The following CDH20 variants were observed in gnomAD, a reference collection of about 807,000 sequenced individuals.
CDH20 encodes the protein cadherin 20, also known as cadherin-20.
In CDH20, 29 loss-of-function variants were observed where a neutral mutation model predicts 74.2. That is an observed-to-expected ratio of 0.39 (90% CI 0.29 to 0.53). The LOEUF (loss-of-function observed/expected upper bound fraction) is 0.53, where lower values mean the gene tolerates loss of function less well. Ranked by LOEUF, CDH20 falls within the 20% of genes least tolerant of loss-of-function variation. The pLI is 0.69. For synonymous variants in CDH20, 469 were observed against 405.4 expected, an observed-to-expected ratio of 1.16 and a Z score of -1.88; for missense variants, 988 against 1,048.3, an observed-to-expected ratio of 0.94 and a Z score of 0.79.
In CDH20 at chr18:61,555,662, T is replaced by G. The variant is rs189861163; in HGVS notation, c.*967T>G. On this transcript the variant is annotated 3_prime_UTR_variant, in exon 12 of 12. Coordinates refer to ENST00000262717, the MANE Select transcript of CDH20 (RefSeq NM_031891.4). ...ATCAGTATTATAGAGAATAAATGGA[T>G]GTAAGAAAATTACATGTACAAGTTT... is the stretch of plus-strand genomic sequence containing the variant. 1.0e-6 allele frequency: 1 copy of G among 978,926 alleles called. No homozygotes were observed. Among genetic ancestry groups the G allele is most frequent in the East Asian group, 1.1e-4 (1 of 8,788 alleles). 60.6% of individuals were successfully genotyped at this position (978,926 alleles called of 1,614,324 possible). A position where few individuals can be genotyped will look rare whatever the true frequency, so the allele number is the denominator to read the frequency against.
intron 1 of CDH20, among the ~76,000 whole-genome samples, chr18:61,399,467 T>C (rs1473786875): frequency 1.3e-5 from 2 of 152,172 alleles, no homozygotes; most frequent in African/African-American, 4.8e-5. Context: ...AATATTATGA[T>C]TCATTTTATA....
Position 61,405,162 on chromosome 18 carries a change from T to G in CDH20, c.-153+71335T>G, listed in dbSNP as rs796754258. On this transcript the variant is annotated intron_variant, in intron 1 of 11. Transcript: ENST00000262717. ...TTTTATAACAAGTTAGAGCCTAGAA[T>G]TGATCAACTCCAGCGACTTTTTTGT... 5 of 555,418 alleles carry G rather than the reference T, an allele frequency of 9.0e-6. No homozygotes were observed. In the African/African-American group the frequency reaches 9.7e-5, roughly 11 times the overall value. 34.4% of individuals were successfully genotyped at this position (555,418 alleles called of 1,614,324 possible). A position where few individuals can be genotyped will look rare whatever the true frequency, so the allele number is the denominator to read the frequency against.
chr18:61,412,172 T>C lies in CDH20; in HGVS notation c.-152-78230T>C, dbSNP rs925858706. Among the ~76,000 whole-genome samples the C allele has an allele frequency of 3.3e-5, 5 of 152,034 alleles. No individual in the cohort carries two copies. In the South Asian group the frequency reaches 8.3e-4, roughly 25 times the overall value. ...AGTTTCCATAAATCAGTTAAAAAGA[T>C]ATAATTTAATAGAAAAATATATACA... On this transcript the variant is annotated intron_variant, in intron 1 of 11. Transcript: ENST00000262717.
At chr18:61,542,152 A>G (rs1913064451) in intron 9 of CDH20, among the ~76,000 whole-genome samples, 1 of 152,154 alleles carries the variant, frequency 6.6e-6, no homozygotes, top group African/African-American at 2.4e-5. Context: ...GAAATATGTT[A>G]CCTCTCTATG....
rs199508830 is a variant in CDH20, at chr18:61,416,043, TAA to T, written c.-152-74348_-152-74347del. ...TGTACTAACACAATGTTCCAAGATG[TAA>T]AAAAAAAAAATATTAAGATCACTAT... is the stretch of plus-strand genomic sequence containing the variant. On this transcript the variant is annotated intron_variant, in intron 1 of 11. Transcript: ENST00000262717. 1.3e-3 allele frequency among the ~76,000 whole-genome samples: 189 copies of T among 148,782 alleles called. 1 individual carries two copies. Among genetic ancestry groups the T allele is most frequent in the African/African-American group, 4.2e-3 (172 of 40,760 alleles).
chr18:61,520,772 G>A (rs1168681861), intron 6 of CDH20, among the ~76,000 whole-genome samples: 1 of 151,184 alleles, frequency 6.6e-6, no homozygotes, highest in Admixed American at 6.6e-5. Flanking sequence ...TAGAACTCAG[G>A]ATTTAAAAAC....
At position 61,347,351 on chromosome 18, in the gene CDH20, CAT is replaced by C. The variant is rs200656806; in HGVS notation, c.-153+13534_-153+13535del. On this transcript the variant is annotated intron_variant, in intron 1 of 11. Transcript: ENST00000262717. ...ACACACACACACACACACACACACA[CAT>C]ATATATATACACAAAAATTAGCCGG... 1.2e-3 allele frequency among the ~76,000 whole-genome samples: 133 copies of C among 109,624 alleles called. 1 individual carries two copies. The highest frequency in any genetic ancestry group is 4.3e-3 in the African/African-American group (120 of 28,114). 71.9% of individuals were successfully genotyped at this position (109,624 alleles called of 152,430 possible).
At chr18:61,336,472 C>A (rs1325203611) in intron 1 of CDH20, among the ~76,000 whole-genome samples, 1 of 152,160 alleles carries the variant, frequency 6.6e-6, no homozygotes, top group Non-Finnish European at 1.5e-5. Context: ...TCTCAAAGAC[C>A]TGCAGCTGTT....
intron 1 of CDH20, among the ~76,000 whole-genome samples, chr18:61,441,282 C>A (rs1189202179): frequency 1.3e-5 from 2 of 152,156 alleles, no homozygotes; most frequent in Non-Finnish European, 2.9e-5. Context: ...TTTACAACTC[C>A]AATCTACTCA....
chr18:61,506,944 GA>G lies in CDH20; in HGVS notation c.830-421del, dbSNP rs954240027. ...GCACTCAGCACACAAGCCAGGCCAT[GA>G]AAAAAAAGATGGACATTTGAAGCGT... On this transcript the variant is annotated intron_variant, in intron 5 of 11. Coordinates refer to ENST00000262717, the MANE Select transcript of CDH20 (RefSeq NM_031891.4). Among the ~76,000 whole-genome samples the G allele has an allele frequency of 1.4e-4, 21 of 152,018 alleles. 2 individuals are homozygous for G. In the South Asian group the frequency reaches 2.5e-3, roughly 18 times the overall value.
chr18:61,455,376 G>C (rs749005735), intron 1 of CDH20, among the ~76,000 whole-genome samples: 22 of 152,168 alleles, frequency 1.4e-4, no homozygotes, highest in Non-Finnish European at 2.2e-4. Context: ...ATTTTTAATA[G>C]ACCAGTTTGT....
chr18:61,546,008 T>G (rs78265682), intron 10 of CDH20, among the ~76,000 whole-genome samples: 4 of 152,048 alleles, frequency 2.6e-5, no homozygotes, highest in African/African-American at 9.7e-5. Context: ...TGTAGCCAGA[T>G]GATTTGCTTC....
chr18:61,453,836 T>C (rs1475823979), intron 1 of CDH20, among the ~76,000 whole-genome samples: 1 of 152,174 alleles, frequency 6.6e-6, no homozygotes, highest in East Asian at 1.9e-4. Context: ...GTGCAACTGT[T>C]GGATGGTATG....
At chr18:61,512,047 T>C (rs1433583470) in intron 6 of CDH20, among the ~76,000 whole-genome samples, 1 of 152,236 alleles carries the variant, frequency 6.6e-6, no homozygotes, top group African/African-American at 2.4e-5. Context: ...AATAATGTCA[T>C]ATAAAATTGA....
intron 1 of CDH20, among the ~76,000 whole-genome samples, chr18:61,385,088 T>A (rs1429734597): frequency 1.3e-5 from 2 of 152,152 alleles, no homozygotes; most frequent in Non-Finnish European, 2.9e-5. Flanking sequence ...ATGCCCAACA[T>A]CTTACCTCCA....
Position 61,554,610 on chromosome 18 carries a change from T to C in CDH20, c.2321T>C (p.Phe774Ser). 1.2e-6 allele frequency: 2 copies of C among 1,608,372 alleles called. No individual in the cohort carries two copies. The highest frequency in any genetic ancestry group is 8.5e-7 in the Non-Finnish European group (1 of 1,178,218). ...QSATSDSEQS[F>S]DFLTDWGPRF... ...GCCACGTCGGACTCGGAACAGAGCT[T>C]CGACTTCCTGACGGACTGGGGGCCC... is the stretch of plus-strand genomic sequence containing the variant. The change falls in exon 12 of 12, where the codon TTC becomes TCC. Residue 774 changes from phenylalanine (F) to serine (S), a missense_variant. By Grantham distance (155) the Phe-to-Ser change is radical (BLOSUM62 -2). This residue lies in a region of CDH20 where 375 missense variants were observed against 293.1 expected (regional missense o/e 1.28). Coordinates refer to ENST00000262717, the MANE Select transcript of CDH20 (RefSeq NM_031891.4).
intron 1 of CDH20, among the ~76,000 whole-genome samples, chr18:61,458,429 G>C (rs573099873): frequency 6.6e-6 from 1 of 152,208 alleles, no homozygotes; most frequent in Non-Finnish European, 1.5e-5. Context: ...CATCAAAAAG[G>C]CATCTTGGAA....
At chr18:61,442,788 C>G (rs570294979) in intron 1 of CDH20, among the ~76,000 whole-genome samples, 1 of 152,134 alleles carries the variant, frequency 6.6e-6, no homozygotes, top group African/African-American at 2.4e-5. Context: ...TTTGATTTGA[C>G]CTGCTCTCTT....
At chr18:61,473,015 C>G (rs1348831029) in intron 1 of CDH20, among the ~76,000 whole-genome samples, 2 of 152,180 alleles carry the variant, frequency 1.3e-5, no homozygotes, top group Non-Finnish European at 2.9e-5. Context: ...CTCTTTGATT[C>G]TTTTGAGTCT....
Sources: gnomAD v4.1 joint callset for allele counts (sites outside exome capture counted in the v4.1 genomes callset) on GRCh38, gnomAD v4.1.1 for gene constraint, gnomAD v4.1.1 regional missense constraint, MANE v1.5 for transcripts, NCBI Gene and HGNC (gene_info 2026-07-23, HGNC 2026-07-21) for gene names.